NLGN1: variants seen among roughly 807,000 people sequenced by gnomAD.
The protein encoded by NLGN1 is neuroligin-1.
A neutral mutation model predicts 65.5 loss-of-function variants in NLGN1; 12 were observed. The ratio of observed to expected loss-of-function variants is 0.18; its 90% CI spans 0.12 to 0.30. NLGN1 has a LOEUF of 0.30. NLGN1 is among the 10% of genes least tolerant of loss of function. NLGN1 has a pLI of 1.00. For synonymous variants in NLGN1, 350 were observed against 359.5 expected, an observed-to-expected ratio of 0.97 and a Z score of 0.30; for missense variants, 750 against 1,007.1, an observed-to-expected ratio of 0.74 and a Z score of 3.46.
chr3:173,718,456 T>C (rs1770250221), intron 3 of NLGN1, among the ~76,000 whole-genome samples: 1 of 152,194 alleles, frequency 6.6e-6, no homozygotes, highest in Admixed American at 6.5e-5. Flanking sequence ...TCCATCCATG[T>C]TGCTGAAAAA....
intron 4 of NLGN1, among the ~76,000 whole-genome samples, chr3:173,936,533 A>C (rs773290267): frequency 2.9e-4 from 44 of 152,068 alleles, no homozygotes; most frequent in Non-Finnish European, 5.7e-4. Flanking sequence ...CAACCCTTGG[A>C]CGTTATTACT....
chr3:174,289,631 A>C (rs534011437), downstream of NLGN1, among the ~76,000 whole-genome samples: 1 of 151,158 alleles, frequency 6.6e-6, no homozygotes, highest in Non-Finnish European at 1.5e-5. Flanking sequence ...CACACCAATC[A>C]CCTGTCATAA....
At position 173,728,428 on chromosome 3, in the gene NLGN1, C is replaced by T. The variant is rs532881338; in HGVS notation, c.494-79252C>T. On this transcript the variant is annotated intron_variant, in intron 3 of 6. Coordinates refer to ENST00000457714, the Ensembl canonical transcript of NLGN1. ...CAGAGGTGACTACCTCCTTTATACT[C>T]CATTGTGTTCTGACCTTTCCCTTGT... 3.9e-5 allele frequency among the ~76,000 whole-genome samples: 6 copies of T among 152,148 alleles called. No individual in the cohort carries two copies. The East Asian group carries it at 9.7e-4, about 25-fold the overall frequency.
intron 4 of NLGN1, among the ~76,000 whole-genome samples, chr3:174,124,602 T>TATATACGTATATATACGTATACAC (rs1439677340): frequency 3.8e-4 from 33 of 86,354 alleles, no homozygotes; most frequent in Middle Eastern, 5.4e-3. Flanking sequence ...TACGTATACA[T>TATATACGTATATATACGTATACAC]ATATACGTAT....
intron 4 of NLGN1, among the ~76,000 whole-genome samples, chr3:174,062,195 A>G (rs1189709902): frequency 1.3e-5 from 2 of 152,128 alleles, no homozygotes; most frequent in East Asian, 1.9e-4. Flanking sequence ...GTTTTAAAAA[A>G]GAAAAAGTGA....
intron 2 of NLGN1, among the ~76,000 whole-genome samples, chr3:173,440,949 A>C (rs1277955192): frequency 6.6e-6 from 1 of 152,162 alleles, no homozygotes; most frequent in African/African-American, 2.4e-5. Flanking sequence ...TGACATTGAA[A>C]ATTTGTTGCT....
At chr3:173,790,684 G>GTT (rs1578446481) in intron 3 of NLGN1, among the ~76,000 whole-genome samples, 1 of 151,506 alleles carries the variant, frequency 6.6e-6, no homozygotes, top group Non-Finnish European at 1.5e-5. Flanking sequence ...TGTGAGTATG[G>GTT]TTGTGTGTGT....
chr3:173,944,124 G>GGGGGGTGT (rs1553897256), intron 4 of NLGN1, among the ~76,000 whole-genome samples: 22 of 139,596 alleles, frequency 1.6e-4, no homozygotes, highest in African/African-American at 5.5e-4. Flanking sequence ...TAATATTATG[G>GGGGGGTGT]GTGTGTGTGT....
intron 3 of NLGN1, among the ~76,000 whole-genome samples, chr3:173,732,408 T>A (rs1186566215): frequency 6.6e-6 from 1 of 152,160 alleles, no homozygotes; most frequent in African/African-American, 2.4e-5. Flanking sequence ...ACACAGTTAA[T>A]GTAGCCCTAA....
At chr3:173,972,553 C>T (rs1041981622) in intron 4 of NLGN1, among the ~76,000 whole-genome samples, 2 of 151,954 alleles carry the variant, frequency 1.3e-5, no homozygotes, top group Admixed American at 6.6e-5. Context: ...AGCACACTTT[C>T]ACAAATGTGG....
intron 1 of NLGN1, among the ~76,000 whole-genome samples, chr3:173,428,877 A>T (rs1223702332): frequency 1.3e-5 from 2 of 151,878 alleles, no homozygotes; most frequent in South Asian, 2.1e-4. Flanking sequence ...AATGTCTTTA[A>T]TTAGAGCTCC....
At chr3:174,059,220 T>C (rs1240590127) in intron 4 of NLGN1, among the ~76,000 whole-genome samples, 1 of 152,086 alleles carries the variant, frequency 6.6e-6, no homozygotes, top group Non-Finnish European at 1.5e-5. Context: ...ATCTAGTACT[T>C]CTTCCTGGGC....
chr3:173,923,295 A>G (rs945324356), intron 4 of NLGN1, among the ~76,000 whole-genome samples: 10 of 152,104 alleles, frequency 6.6e-5, no homozygotes, highest in African/African-American at 2.4e-4. Flanking sequence ...TTTTCTTCGT[A>G]AACTTCTGGA....
chr3:173,906,556 G>A (rs1738432557), intron 4 of NLGN1, among the ~76,000 whole-genome samples: 1 of 152,132 alleles, frequency 6.6e-6, no homozygotes, highest in South Asian at 2.1e-4. Context: ...AAACAAATTT[G>A]TGATAAAATT....
chr3:174,236,432 T>C (rs563973074), intron 4 of NLGN1, among the ~76,000 whole-genome samples: 3 of 152,230 alleles, frequency 2.0e-5, no homozygotes, highest in African/African-American at 4.8e-5. Flanking sequence ...AAGAGTCTTA[T>C]GTTACATGTT....
At chr3:173,743,749 A>G (rs539438153) in intron 3 of NLGN1, among the ~76,000 whole-genome samples, 9 of 152,160 alleles carry the variant, frequency 5.9e-5, no homozygotes, top group East Asian at 1.9e-4. Context: ...GGATTGTTCA[A>G]CTGACTCTGG....
At chr3:173,605,312 C>T (rs1225509852) in intron 3 of NLGN1, among the ~76,000 whole-genome samples, 5 of 151,994 alleles carry the variant, frequency 3.3e-5, no homozygotes, top group Non-Finnish European at 5.9e-5. Context: ...CTCCACAGCA[C>T]GTATATTTAG....
At chr3:173,818,009 A>G (rs981503676) in intron 4 of NLGN1, among the ~76,000 whole-genome samples, 8 of 152,218 alleles carry the variant, frequency 5.3e-5, no homozygotes, top group Non-Finnish European at 1.2e-4. Context: ...ATTTCCAGGT[A>G]TTGATAGGAC....
intron 2 of NLGN1, among the ~76,000 whole-genome samples, chr3:173,539,679 CATACATATATGTACATATGCACATAT>C (rs1382376096): frequency 7.8e-3 from 618 of 79,242 alleles, no homozygotes; most frequent in Middle Eastern, 9.8e-3. Flanking sequence ...ACATATATAA[CATACATATATGTACATATGCACATAT>C]ATACATATAT....
Sources: allele counts gnomAD v4.1 joint callset (sites outside exome capture counted in the v4.1 genomes callset), GRCh38; gene constraint gnomAD v4.1.1; transcripts MANE v1.5; gene names NCBI Gene and HGNC (gene_info 2026-07-23, HGNC 2026-07-21).